The following ZNF521 variants were observed in gnomAD, a reference collection of about 807,000 sequenced individuals.
ZNF521 encodes LYST-interacting protein 3.
A neutral mutation model predicts 105.5 loss-of-function variants in ZNF521; 14 were observed. That is an observed-to-expected ratio of 0.13 (90% confidence interval 0.09 to 0.21). The LOEUF (loss-of-function observed/expected upper bound fraction) is 0.21. Among genes scored for constraint, ZNF521 ranks in the 10% least tolerant of loss-of-function variants. The probability of loss-of-function intolerance (pLI) is 1.00; values close to 1 mark genes in which losing one functional copy is unlikely to be tolerated. For missense variants in ZNF521, 1,233 were observed against 1,629.7 expected (o/e 0.76, Z 4.19); for synonymous variants, 635 against 606.0 (o/e 1.05, Z -0.70).
chr18:25,168,890 T>C (rs929380353), intron 5 of ZNF521, among the ~76,000 whole-genome samples: 4 of 152,146 alleles, frequency 2.6e-5, no homozygotes, highest in African/African-American at 9.7e-5. Flanking sequence ...CATCTCAGTT[T>C]AGCAGGAGAC....
At position 25,150,891 on chromosome 18, in the gene ZNF521, C is replaced by CTT. The variant is rs559303954; in HGVS notation, c.3658+44267_3658+44268dup. Among the ~76,000 whole-genome samples the CTT allele has an allele frequency of 1.2e-3, 153 of 132,162 alleles. 1 individual carries two copies. The highest frequency in any genetic ancestry group is 3.7e-3 in the East Asian group (17 of 4,572). The allele number at this position is 132,162 out of a possible 152,430, so 86.7% of individuals were successfully genotyped here. A position where few individuals can be genotyped will look rare whatever the true frequency, so the allele number is the denominator to read the frequency against. On this transcript the variant is annotated intron_variant, in intron 5 of 7. Coordinates refer to ENST00000361524, the MANE Select transcript of ZNF521 (RefSeq NM_015461.3). ...CTCCAGCTCTTTTTTTTTCTTTTTT[C>CTT]TTTTTTTTTTTTTTTGAGACAGAGT...
At chr18:25,129,762 A>T (rs1056170289) in intron 5 of ZNF521, among the ~76,000 whole-genome samples, 2 of 151,908 alleles carry the variant, frequency 1.3e-5, no homozygotes, top group Non-Finnish European at 1.5e-5. Flanking sequence ...TCATTAGTGA[A>T]TTGTGAACAA....
rs535673749 is a variant in ZNF521, at chr18:25,317,249, C to T, written c.220+4759G>A. On this transcript the variant is annotated intron_variant, in intron 3 of 7. Coordinates refer to ENST00000361524, the MANE Select transcript of ZNF521 (RefSeq NM_015461.3). ...AAGCTTCAGACCAAAATAAACCAAACATTTTACCAGTTTTTTAAAAAATGT... is the reference window on the plus strand; with the variant it reads ...AAGCTTCAGACCAAAATAAACCAAATATTTTACCAGTTTTTTAAAAAATGT... Among the ~76,000 whole-genome samples the T allele has an allele frequency of 1.8e-4, 27 of 152,106 alleles. 1 individual carries two copies. In the South Asian group the frequency reaches 5.4e-3, roughly 30 times the overall value.
chr18:25,102,353 G>A (rs1260507010), intron 5 of ZNF521, among the ~76,000 whole-genome samples: 1 of 151,926 alleles, frequency 6.6e-6, no homozygotes, highest in Non-Finnish European at 1.5e-5. Flanking sequence ...ATGTAAAATT[G>A]AGGAGAAGCA....
At chr18:25,308,391 C>G (rs982166828) in intron 3 of ZNF521, among the ~76,000 whole-genome samples, 2 of 152,022 alleles carry the variant, frequency 1.3e-5, no homozygotes, top group African/African-American at 4.8e-5. Flanking sequence ...TATACAAAAA[C>G]TTTTGGAATA....
chr18:25,301,703 T>C (rs1911648768), intron 3 of ZNF521, among the ~76,000 whole-genome samples: 1 of 152,180 alleles, frequency 6.6e-6, no homozygotes. Context: ...TCTTAGCTTG[T>C]TCCCAAAGAA....
intron 4 of ZNF521, among the ~76,000 whole-genome samples, chr18:25,208,623 C>A (rs965709193): frequency 4.0e-5 from 6 of 150,752 alleles, no homozygotes; most frequent in African/African-American, 1.5e-4. Context: ...AAAAAAATGA[C>A]CTTTATCAAA....
intron 2 of ZNF521, 149 bp from the exon 3 acceptor site, chr18:25,322,336 A>C: frequency 2.4e-6 from 2 of 820,982 alleles, no homozygotes; most frequent in South Asian, 2.7e-5. Flanking sequence ...CAGGAGAATC[A>C]AAAGTGAGCC....
intron 5 of ZNF521, among the ~76,000 whole-genome samples, chr18:25,194,319 A>T (rs2035867578): frequency 6.6e-6 from 1 of 151,844 alleles, no homozygotes; most frequent in South Asian, 2.1e-4. Flanking sequence ...TAACAAAAAT[A>T]GCATAAAGTA....
At chr18:25,265,350 TGGC>T in intron 3 of ZNF521, among the ~76,000 whole-genome samples, 1 of 152,330 alleles carries the variant, frequency 6.6e-6, no homozygotes, top group Admixed American at 6.5e-5. Context: ...GACTCAGGAC[TGGC>T]TCTTGGTAGA....
intron 7 of ZNF521, among the ~76,000 whole-genome samples, chr18:25,073,149 C>T (rs2033268009): frequency 6.6e-6 from 1 of 152,140 alleles, no homozygotes; most frequent in Non-Finnish European, 1.5e-5. Flanking sequence ...AAGCTATATT[C>T]AAGCATCCCC....
Position 25,227,013 on chromosome 18 carries a change from T to C in ZNF521, c.905A>G (p.Gln302Arg). ...GTTCTTCTTCTCCCCGCTATGCACC[T>C]GCTCCATGTGGTTCATGAGGGAGGT... ...EETSLMNHME[Q>R]VHSGEKKNSC... Residue 302 changes from glutamine to arginine, a missense_variant, in exon 4 of 8, where the codon CAG becomes CGG. Physicochemically the swap from Gln to Arg is conservative, Grantham distance 43 (BLOSUM62 1). Around this residue, in one of 6 missense-constraint regions of ZNF521, gnomAD observed 380 missense variants for 478.0 expected, o/e 0.80. Transcript: ENST00000361524. The surrounding 1 kb of genome is among the most constrained non-coding windows in gnomAD (Gnocchi z 5.7). The C allele has an allele frequency of 6.2e-7, 1 of 1,614,174 alleles. No individual in the cohort carries two copies. The highest frequency in any genetic ancestry group is 1.3e-5 in the African/African-American group (1 of 75,046).
At chr18:25,066,376 C>T (rs2033061023) in intron 7 of ZNF521, among the ~76,000 whole-genome samples, 1 of 152,168 alleles carries the variant, frequency 6.6e-6, no homozygotes, top group Non-Finnish European at 1.5e-5. Flanking sequence ...GTTCTCCTCC[C>T]CCACGCAGTA....
chr18:25,238,259 T>G (rs889881318), intron 3 of ZNF521, among the ~76,000 whole-genome samples: 1 of 152,208 alleles, frequency 6.6e-6, no homozygotes, highest in Admixed American at 6.5e-5. Flanking sequence ...TAAAAAAAAT[T>G]CATTGTTTTT....
chr18:25,337,704 T>C (rs1400833382), intron 2 of ZNF521, among the ~76,000 whole-genome samples: 3 of 152,212 alleles, frequency 2.0e-5, no homozygotes, highest in Non-Finnish European at 4.4e-5. Context: ...ACACTGGCGG[T>C]ATCCATTAAA....
intron 3 of ZNF521, among the ~76,000 whole-genome samples, chr18:25,288,562 T>C (rs1254769850): frequency 1.4e-5 from 2 of 142,764 alleles, no homozygotes; most frequent in African/African-American, 2.7e-5. Flanking sequence ...TTCAGCTGCA[T>C]TATAACACTT....
chr18:25,147,972 T>A (rs900430455), intron 5 of ZNF521, among the ~76,000 whole-genome samples: 1 of 152,040 alleles, frequency 6.6e-6, no homozygotes, highest in African/African-American at 2.4e-5. Flanking sequence ...TCTACCCCCA[T>A]CTCCATGCAG....
intron 5 of ZNF521, among the ~76,000 whole-genome samples, chr18:25,146,036 A>T (rs2034937004): frequency 6.6e-6 from 1 of 152,118 alleles, no homozygotes; most frequent in East Asian, 1.9e-4. Flanking sequence ...TTTTTAATAG[A>T]TTATTTTACT....
At chr18:25,194,743 C>T (rs1600141421) in intron 5 of ZNF521, among the ~76,000 whole-genome samples, 1 of 151,716 alleles carries the variant, frequency 6.6e-6, no homozygotes, top group Admixed American at 6.6e-5. Flanking sequence ...CACAAAAACT[C>T]GCTACTTTAG....
Sources: allele counts gnomAD v4.1 joint callset (sites outside exome capture counted in the v4.1 genomes callset), GRCh38; gene constraint gnomAD v4.1.1; regional missense constraint gnomAD v4.1.1; non-coding constraint Gnocchi (gnomAD v3.1); transcripts MANE v1.5; gene names NCBI Gene and HGNC (gene_info 2026-07-23, HGNC 2026-07-21).